The following IL17RA variants were observed in gnomAD, a reference collection of about 807,000 sequenced individuals.
IL17RA encodes interleukin-17 receptor A.
IL17RA carries 34 observed loss-of-function variants against 50.4 expected under a neutral mutation model. The ratio of observed to expected loss-of-function variants is 0.67; its 90% CI spans 0.51 to 0.90. IL17RA has a LOEUF of 0.90. Among genes scored for constraint, IL17RA ranks in the 40% least tolerant of loss-of-function variants. The pLI is 0.00. For missense variants in IL17RA, 1,276 were observed against 1,169.8 expected, an observed-to-expected ratio of 1.09 and a Z score of -1.32; for synonymous variants, 585 against 510.4, an observed-to-expected ratio of 1.15 and a Z score of -1.97.
rs754574936 is a variant in IL17RA, at chr22:17,109,309, C to A, written c.2090C>A (p.Ala697Glu). 6 of 1,528,268 alleles carry A rather than the reference C, an allele frequency of 3.9e-6. No homozygotes were observed. The South Asian group carries it at 4.8e-5, about 12-fold the overall frequency. 94.7% of individuals were successfully genotyped at this position (1,528,268 alleles called of 1,614,324 possible). A position where few individuals can be genotyped will look rare whatever the true frequency, so the allele number is the denominator to read the frequency against. The part of the protein sequence containing the change: ...ADGAAVRLAL[A>E]GEGEACPLLG... ...GGTGCCGCAGTCCGGCTGGCACTGG[C>A]GGGGGAGGGCGAGGCCTGCCCGCTG... The change falls in exon 13 of 13, where the codon GCG (alanine) becomes GAG (glutamate). Residue 697 changes from alanine (A) to glutamate (E), a missense_variant. Coordinates refer to ENST00000319363, the MANE Select transcript of IL17RA (RefSeq NM_014339.7).
At chr22:17,092,415 G>C (rs1321822393) in intron 1 of IL17RA, among the ~76,000 whole-genome samples, 1 of 152,206 alleles carries the variant, frequency 6.6e-6, no homozygotes, top group Non-Finnish European at 1.5e-5. Context: ...GGTCTTAGAA[G>C]TTCTGGAGGC....
At chr22:17,099,836 G>T (rs2061383366) in intron 4 of IL17RA, among the ~76,000 whole-genome samples, 1 of 152,196 alleles carries the variant, frequency 6.6e-6, no homozygotes, top group Non-Finnish European at 1.5e-5. Context: ...AAATATCATT[G>T]CAACTGAGGT....
At chr22:17,098,932 C>A in intron 4 of IL17RA, 45 bp downstream of exon 4, 1 of 1,459,082 alleles carries the variant, frequency 6.9e-7, no homozygotes, top group Non-Finnish European at 9.6e-7. Context: ...CTGATGACAC[C>A]AGTACAGACT....
intron 1 of IL17RA, among the ~76,000 whole-genome samples, chr22:17,091,614 C>A (rs1337594251): frequency 6.6e-6 from 1 of 151,688 alleles, no homozygotes; most frequent in Non-Finnish European, 1.5e-5. Flanking sequence ...GGAGGCGGGG[C>A]TTGCAGTGAG....
intron 10 of IL17RA, 110 bp from the exon 11 acceptor site, chr22:17,105,743 C>G: frequency 7.3e-7 from 1 of 1,374,454 alleles, no homozygotes; most frequent in Admixed American, 1.7e-5. Flanking sequence ...CATGGTTTGT[C>G]GTGGTGGGGC....
rs1215834994 is a variant in IL17RA at position 17,108,368 on chromosome 22, C to G, written c.1149C>G (p.Ile383Met). The G allele has an allele frequency of 1.2e-6, 2 of 1,614,132 alleles. No individual in the cohort carries two copies. Among genetic ancestry groups the G allele is most frequent in the South Asian group, 2.2e-5 (2 of 91,082 alleles). Reference protein sequence around the residue: ...PPLKPRKVWIIYSADHPLYVD... With the variant: ...PPLKPRKVWIMYSADHPLYVD... ...TGAAGCCCAGGAAGGTCTGGATCAT[C>G]TACTCAGCCGACCACCCCCTCTACG... Residue 383 changes from isoleucine to methionine, a missense_variant, in exon 13 of 13, where the codon ATC becomes ATG. Physicochemically the swap from Ile to Met is conservative, Grantham distance 10. Coordinates refer to ENST00000319363, the MANE Select transcript of IL17RA (RefSeq NM_014339.7).
intron 1 of IL17RA, among the ~76,000 whole-genome samples, chr22:17,085,601 TGGA>T (rs777708066): frequency 6.6e-6 from 1 of 151,812 alleles, no homozygotes; most frequent in Non-Finnish European, 1.5e-5. Flanking sequence ...AAAGGGGCTG[TGGA>T]GAAGGGGCCC....
chr22:17,101,146 T>C (rs926970514), intron 5 of IL17RA, among the ~76,000 whole-genome samples: 2 of 152,184 alleles, frequency 1.3e-5, no homozygotes, highest in African/African-American at 4.8e-5. Flanking sequence ...CTCGAACTCC[T>C]GGGCTCATGC....
intron 5 of IL17RA, among the ~76,000 whole-genome samples, chr22:17,101,309 C>G (rs1192352382): frequency 6.6e-6 from 1 of 152,202 alleles, no homozygotes; most frequent in Admixed American, 6.5e-5. Context: ...TCAAGAAATG[C>G]TTGTTAAGGA....
chr22:17,110,397 C>G lies in IL17RA; in HGVS notation c.*577C>G, dbSNP rs2123814553. 6.2e-6 allele frequency: 1 copy of G among 161,210 alleles called. No individual in the cohort carries two copies. Among genetic ancestry groups the G allele is most frequent in the Middle Eastern group, 3.2e-3 (1 of 308 alleles). The allele number at this position is 161,210 out of a possible 1,614,324, so 10.0% of individuals were successfully genotyped here. ...CCTGTAGTCCTAGCTACTTGGGAGG[C>G]TGAGGCAGGAGAATTGCTTGAATCT... On this transcript the variant is annotated 3_prime_UTR_variant, in exon 13 of 13. Transcript: ENST00000319363.
rs1200846823 is a variant in IL17RA at position 17,113,553 on chromosome 22, AC to A, written c.*3734del. ...GCATAAGAGAGAAGAAGATGTACTT[AC>A]AATGCAGTGGGTGGTTTTAACTCTA... On this transcript the variant is annotated 3_prime_UTR_variant, in exon 13 of 13. Coordinates refer to ENST00000319363, the MANE Select transcript of IL17RA (RefSeq NM_014339.7). 4 of 152,400 alleles carry A rather than the reference AC, an allele frequency of 2.6e-5. No individual in the cohort carries two copies. The highest frequency in any genetic ancestry group is 9.6e-5 in the African/African-American group (4 of 41,576). 9.4% of individuals were successfully genotyped at this position (152,400 alleles called of 1,614,324 possible). A position where few individuals can be genotyped will look rare whatever the true frequency, so the allele number is the denominator to read the frequency against.
rs780922588 is a variant in IL17RA at position 17,108,695 on chromosome 22, G to A, written c.1476G>A (p.Arg492=). 11 of 1,609,430 alleles carry A rather than the reference G, an allele frequency of 6.8e-6. No individual in the cohort carries two copies. Among genetic ancestry groups the A allele is most frequent in the Middle Eastern group, 1.6e-4 (1 of 6,062 alleles). Residue 492 remains arginine (R), a synonymous_variant, in exon 13 of 13, where the codon AGG becomes AGA. Transcript: ENST00000319363. The part of the protein sequence containing the change: ...AMNMILPDFK[R]PACFGTYVVC... Reference sequence around the variant, plus strand: ...ACATGATCCTCCCGGACTTCAAGAGGCCAGCCTGCTTCGGCACCTACGTAG... The same window carrying A: ...ACATGATCCTCCCGGACTTCAAGAGACCAGCCTGCTTCGGCACCTACGTAG...
chr22:17,089,735 T>A (rs968685054), intron 1 of IL17RA, among the ~76,000 whole-genome samples: 6 of 152,086 alleles, frequency 3.9e-5, no homozygotes, highest in African/African-American at 1.4e-4. Context: ...TAGCCAGGTG[T>A]GGTGGCGCAT....
At chr22:17,091,437 G>A (rs2077961929) in intron 1 of IL17RA, among the ~76,000 whole-genome samples, 1 of 152,166 alleles carries the variant, frequency 6.6e-6, no homozygotes, top group Admixed American at 6.5e-5. Flanking sequence ...AGCACTTTGG[G>A]AGGCCGAGGC....
chr22:17,091,520 C>CA (rs61216374), intron 1 of IL17RA, among the ~76,000 whole-genome samples: 20,974 of 150,932 alleles, frequency 0.14, 1,589 homozygotes, highest in African/African-American at 0.19. Context: ...ACTAAAAATA[C>CA]AAAAAAAAAT....
chr22:17,097,725 C>T, intron 2 of IL17RA, 72 bp from the exon 3 acceptor site: 4 of 1,596,032 alleles, frequency 2.5e-6, no homozygotes, highest in East Asian at 2.2e-5. Context: ...GTCTAGCTGT[C>T]TGTACCTGCT....
intron 5 of IL17RA, among the ~76,000 whole-genome samples, chr22:17,101,525 G>C (rs2061391322): frequency 6.6e-6 from 1 of 152,208 alleles, no homozygotes; most frequent in African/African-American, 2.4e-5. Flanking sequence ...TACCTCCAGT[G>C]CCAAGAACAG....
In IL17RA at chr22:17,102,119, T is replaced by C; in HGVS notation, c.599-20T>C. ...TGCGTGCCCCTCCTCACTCCCAGCCTGCGTGTGTGACCTTGGCAGGCAGCC... is the reference window on the plus strand; with the variant it reads ...TGCGTGCCCCTCCTCACTCCCAGCCCGCGTGTGTGACCTTGGCAGGCAGCC... On this transcript the variant is annotated intron_variant, in intron 6 of 12. Coordinates refer to ENST00000319363, the MANE Select transcript of IL17RA (RefSeq NM_014339.7). 1 of 1,614,146 alleles carries C rather than the reference T, an allele frequency of 6.2e-7. No homozygotes were observed. Among genetic ancestry groups the C allele is most frequent in the Non-Finnish European group, 8.5e-7 (1 of 1,180,024 alleles).
Position 17,109,896 on chromosome 22 carries a change from A to G in IL17RA, c.*76A>G. 7.7e-7 allele frequency: 1 copy of G among 1,298,378 alleles called. No homozygotes were observed. Among genetic ancestry groups the G allele is most frequent in the South Asian group, 1.3e-5 (1 of 77,114 alleles). 80.4% of individuals were successfully genotyped at this position (1,298,378 alleles called of 1,614,324 possible). A position where few individuals can be genotyped will look rare whatever the true frequency, so the allele number is the denominator to read the frequency against. ...TGTGCACGTATTCATCTGTGTGTAC[A>G]TGTCTGCATGTGTATATGTTCGTGT... On this transcript the variant is annotated 3_prime_UTR_variant, in exon 13 of 13. Transcript: ENST00000319363.
Sources: gnomAD v4.1 joint callset for allele counts (sites outside exome capture counted in the v4.1 genomes callset) on GRCh38, gnomAD v4.1.1 for gene constraint, MANE v1.5 for transcripts, NCBI Gene and HGNC (gene_info 2026-07-23, HGNC 2026-07-21) for gene names.